The following SGMS1 variants were observed in gnomAD, a reference collection of about 807,000 sequenced individuals.
The protein encoded by SGMS1 is phosphatidylcholine:ceramide cholinephosphotransferase 1.
A neutral mutation model predicts 46.2 loss-of-function variants in SGMS1; 13 were observed. That is an observed-to-expected ratio of 0.28 (90% CI 0.18 to 0.45). SGMS1 has a LOEUF of 0.45. Among genes scored for constraint, SGMS1 ranks in the 20% least tolerant of loss-of-function variants. The probability of loss-of-function intolerance (pLI) is 1.00; values close to 1 mark genes in which losing one functional copy is unlikely to be tolerated. For missense variants in SGMS1, 324 were observed against 519.9 expected (o/e 0.62, Z 3.66); for synonymous variants, 203 against 187.8 (o/e 1.08, Z -0.66).
chr10:50,499,080 T>C (rs574676632), intron 3 of SGMS1, among the ~76,000 whole-genome samples: 6 of 152,334 alleles, frequency 3.9e-5, no homozygotes, highest in African/African-American at 1.2e-4. Flanking sequence ...ATCTATGCAA[T>C]TGGCTAAGAA....
intron 6 of SGMS1, among the ~76,000 whole-genome samples, chr10:50,371,725 C>T (rs2842107): frequency 0.35 from 52,474 of 152,052 alleles, 9,246 homozygotes; most frequent in Middle Eastern, 0.4. Flanking sequence ...AGCATCCTCT[C>T]TGACTTAGTA....
At position 50,606,863 on chromosome 10, in the gene SGMS1, C is replaced by A. The variant is rs374401428; in HGVS notation, c.-683-16616G>T. Among the ~76,000 whole-genome samples the A allele has an allele frequency of 3.3e-5, 5 of 152,170 alleles. No homozygotes were observed. In the South Asian group the frequency reaches 1.0e-3, roughly 31 times the overall value. On this transcript the variant is annotated intron_variant, in intron 1 of 10. Transcript: ENST00000361781. ...GAACATTCCAGATGTATCCTAGAAT[C>A]TCCTGCATCCATCAGCAAACTATAT...
intron 2 of SGMS1, among the ~76,000 whole-genome samples, chr10:50,569,064 C>T (rs141587173): frequency 1.1e-4 from 16 of 151,766 alleles, no homozygotes; most frequent in South Asian, 1.0e-3. Flanking sequence ...AACCAAACAC[C>T]GCATATTCTC....
intron 7 of SGMS1, among the ~76,000 whole-genome samples, chr10:50,339,150 C>T (rs958186956): frequency 6.6e-6 from 1 of 152,188 alleles, no homozygotes; most frequent in African/African-American, 2.4e-5. Context: ...CCAGGTTTTT[C>T]ATATCCTTCT....
At chr10:50,543,643 C>A (rs568432114) in intron 2 of SGMS1, among the ~76,000 whole-genome samples, 247 of 152,310 alleles carry the variant, frequency 1.6e-3, no homozygotes, top group Non-Finnish European at 2.1e-3. Context: ...AGATTGGGAG[C>A]AGTTGCTTCT....
At chr10:50,457,998 T>C (rs1407698991) in intron 5 of SGMS1, among the ~76,000 whole-genome samples, 2 of 152,160 alleles carry the variant, frequency 1.3e-5, no homozygotes, top group Admixed American at 6.5e-5. Context: ...GCTAGCAGCA[T>C]GGTAAGCACT....
At chr10:50,606,516 TTAAAG>T (rs1463248763) in intron 1 of SGMS1, among the ~76,000 whole-genome samples, 2 of 152,220 alleles carry the variant, frequency 1.3e-5, no homozygotes, top group South Asian at 2.1e-4. Context: ...TTGTACTTGT[TTAAAG>T]TATAGATTTG....
intron 3 of SGMS1, among the ~76,000 whole-genome samples, chr10:50,513,513 T>TC (rs1837775271): frequency 6.6e-6 from 1 of 152,058 alleles, no homozygotes; most frequent in Non-Finnish European, 1.5e-5. Flanking sequence ...AAATGGACAC[T>TC]CCCAGGTGTG....
intron 2 of SGMS1, among the ~76,000 whole-genome samples, chr10:50,589,403 A>G (rs1238771107): frequency 6.6e-6 from 1 of 152,170 alleles, no homozygotes; most frequent in Non-Finnish European, 1.5e-5. Context: ...CTAGGACTAC[A>G]GGCATGTGCC....
At position 50,335,831 on chromosome 10, in the gene SGMS1, C is replaced by T. The variant is rs1261148165; in HGVS notation, c.623+7661G>A. On this transcript the variant is annotated intron_variant, in intron 7 of 10. Coordinates refer to ENST00000361781, the MANE Select transcript of SGMS1 (RefSeq NM_147156.4). ...GTTATATGAACCCAAATATGAGCAT[C>T]ATTTATCTCTGGTGAGATGATAATT... 3 of 152,202 alleles carry T rather than the reference C, an allele frequency of 2.0e-5. No individual in the cohort carries two copies. The East Asian group carries it at 5.8e-4, about 29-fold the overall frequency. The allele number at this position is 152,202 out of a possible 1,614,324, so 9.4% of individuals were successfully genotyped here.
intron 6 of SGMS1, among the ~76,000 whole-genome samples, chr10:50,384,863 A>G (rs1848659996): frequency 6.6e-6 from 1 of 152,224 alleles, no homozygotes; most frequent in South Asian, 2.1e-4. Context: ...TGAGGATAGT[A>G]CAATGATCAA....
intron 1 of SGMS1, among the ~76,000 whole-genome samples, chr10:50,614,492 T>C (rs924417453): frequency 5.3e-5 from 8 of 152,328 alleles, no homozygotes; most frequent in African/African-American, 1.7e-4. Flanking sequence ...ATGGCAGTGG[T>C]TGGCAAAGAG....
chr10:50,585,923 ACTATGTCCTTG>A (rs1486678622), intron 2 of SGMS1, among the ~76,000 whole-genome samples: 19 of 152,338 alleles, frequency 1.2e-4, no homozygotes, highest in Middle Eastern at 3.4e-3. Context: ...GGTTATGATT[ACTATGTCCTTG>A]CTTTTATGAA....
chr10:50,335,666 C>T (rs1847704473), intron 7 of SGMS1: 2 of 152,210 alleles, frequency 1.3e-5, no homozygotes, highest in African/African-American at 2.4e-5. Context: ...AGTAATTAGA[C>T]ATCCATGATG....
At chr10:50,314,787 G>A (rs1847312510) in intron 8 of SGMS1, among the ~76,000 whole-genome samples, 1 of 152,090 alleles carries the variant, frequency 6.6e-6, no homozygotes, top group African/African-American at 2.4e-5. Context: ...TGGATGTGGT[G>A]GCATGTGCCT....
At chr10:50,550,945 A>C (rs1028886234) in intron 2 of SGMS1, among the ~76,000 whole-genome samples, 6 of 152,192 alleles carry the variant, frequency 3.9e-5, no homozygotes, top group African/African-American at 1.4e-4. Context: ...CTAAAAAATA[A>C]ATCATTGATT....
At chr10:50,528,773 T>C (rs1837927103) in intron 2 of SGMS1, among the ~76,000 whole-genome samples, 2 of 152,100 alleles carry the variant, frequency 1.3e-5, no homozygotes, top group South Asian at 4.1e-4. Flanking sequence ...GGTGAGAGAA[T>C]AGCTTGAGCC....
chr10:50,547,967 GA>G, intron 2 of SGMS1, among the ~76,000 whole-genome samples: 1 of 152,190 alleles, frequency 6.6e-6, no homozygotes, highest in Non-Finnish European at 1.5e-5. Flanking sequence ...ACAGATACAG[GA>G]AAGGCCTTTG....
At chr10:50,346,442 G>A (rs1847913077) in intron 6 of SGMS1, among the ~76,000 whole-genome samples, 1 of 152,072 alleles carries the variant, frequency 6.6e-6, no homozygotes, top group Admixed American at 6.6e-5. Flanking sequence ...GGCTTGAAAT[G>A]CTATTTCCCT....
Sources: gnomAD v4.1 joint callset for allele counts (sites outside exome capture counted in the v4.1 genomes callset) on GRCh38, gnomAD v4.1.1 for gene constraint, MANE v1.5 for transcripts, NCBI Gene and HGNC (gene_info 2026-07-23, HGNC 2026-07-21) for gene names.